MAGT1: variants seen among roughly 807,000 people sequenced by gnomAD.
The protein encoded by MAGT1 is magnesium transporter 1, also known as dolichyl-diphosphooligosaccharide--protein glycosyltransferase subunit MAGT1.
Under a neutral mutation model 28.4 loss-of-function variants are expected in MAGT1, and 4 were observed. That is an observed-to-expected ratio of 0.14 (90% CI 0.07 to 0.32). The LOEUF (loss-of-function observed/expected upper bound fraction) is 0.32. MAGT1 is among the 10% of genes least tolerant of loss of function. MAGT1 has a pLI of 1.00. For missense variants in MAGT1, 193 were observed against 264.5 expected, an observed-to-expected ratio of 0.73 and a Z score of 1.88; for synonymous variants, 89 against 89.7, an observed-to-expected ratio of 0.99 and a Z score of 0.04.
chrX:77,855,617 T>C (rs782516047), intron 5 of MAGT1, 27 bp from the exon 6 acceptor site: 1 of 1,064,148 alleles, frequency 9.4e-7, no homozygotes, highest in East Asian at 3.0e-5. Context: ...TAATAAAATA[T>C]TCATGGTCAA....
chrX:77,857,221 T>C (rs1257521765), intron 4 of MAGT1, 136 bp downstream of exon 4: 2 of 735,212 alleles, frequency 2.7e-6, no homozygotes, highest in Non-Finnish European at 4.2e-6. Flanking sequence ...AAGATGATTC[T>C]GTTTAATGCT....
At chrX:77,876,165 T>TATATA (rs1491126690) in intron 1 of MAGT1, among the ~76,000 whole-genome samples, 27 of 13,349 alleles carry the variant, frequency 2.0e-3, no homozygotes, top group African/African-American at 3.6e-3. Flanking sequence ...TATATATATA[T>TATATA]TTTTTTTTTT....
Position 77,841,239 on chromosome X carries a change from G to A in MAGT1, c.901+7C>T. 1 of 1,176,886 alleles carries A rather than the reference G, an allele frequency of 8.5e-7. No individual in the cohort carries two copies. Among genetic ancestry groups the A allele is most frequent in the Non-Finnish European group, 1.2e-6 (1 of 864,215 alleles). On this transcript the variant is annotated splice_region_variant and intron_variant, in intron 8 of 9. Coordinates refer to ENST00000618282, the MANE Select transcript of MAGT1 (RefSeq NM_001367916.1). ...AGCACTGTTACATTTTGAGTAAGGTGACTTACTCTTTCGCTTTCCAATATC... is the reference window on the plus strand; with the variant it reads ...AGCACTGTTACATTTTGAGTAAGGTAACTTACTCTTTCGCTTTCCAATATC...
intron 8 of MAGT1, among the ~76,000 whole-genome samples, chrX:77,831,758 A>G (rs556388882): frequency 2.7e-5 from 3 of 109,877 alleles, no homozygotes; most frequent in African/African-American, 6.6e-5. Context: ...ATGCCTGGCT[A>G]ATTTTTTAAT....
chrX:77,829,790 G>A (rs868968154), intron 9 of MAGT1, among the ~76,000 whole-genome samples: 21 of 111,613 alleles, frequency 1.9e-4, no homozygotes, highest in Middle Eastern at 4.2e-3. Context: ...GCGAGAAGAA[G>A]TTTTTAACAT....
chrX:77,886,335 G>A (rs1160107685), intron 1 of MAGT1, among the ~76,000 whole-genome samples: 2 of 111,037 alleles, frequency 1.8e-5, no homozygotes, highest in South Asian at 7.5e-4. Flanking sequence ...TGGTATAAAG[G>A]AGCTTGTTAA....
At chrX:77,852,045 C>T (rs1393137365) in intron 7 of MAGT1, among the ~76,000 whole-genome samples, 1 of 108,950 alleles carries the variant, frequency 9.2e-6, no homozygotes, top group Admixed American at 9.9e-5. Flanking sequence ...ATTACAGGCA[C>T]CCGCCACCAC....
At chrX:77,876,108 G>T (rs1050294051) in intron 1 of MAGT1, among the ~76,000 whole-genome samples, 6 of 91,359 alleles carry the variant, frequency 6.6e-5, no homozygotes, top group Non-Finnish European at 1.2e-4. Flanking sequence ...TGGGATTACA[G>T]GCATGAGCCA....
chrX:77,864,146 A>T (rs1557216686), intron 3 of MAGT1, among the ~76,000 whole-genome samples: 1 of 110,521 alleles, frequency 9.0e-6, no homozygotes, highest in Non-Finnish European at 1.9e-5. Flanking sequence ...CCAGGCACAG[A>T]AAGACAAATA....
rs782133931 is a variant in MAGT1 at position 77,857,524 on chromosome X, T to C, written c.391-27A>G. 2.0e-5 allele frequency: 24 copies of C among 1,200,504 alleles called. No individual in the cohort carries two copies. In the South Asian group the frequency reaches 3.4e-4, roughly 17 times the overall value. On this transcript the variant is annotated intron_variant, in intron 3 of 9. Coordinates refer to ENST00000618282, the MANE Select transcript of MAGT1 (RefSeq NM_001367916.1). The stretch of plus-strand genomic sequence containing the variant: ...TGAATAAAAACGAGCCATGAAAATA[T>C]ACATTATCAGGAAAATAATCTTAAT...
rs782012444 is a variant in MAGT1 at position 77,831,075 on chromosome X, C to T, written c.902-180G>A. Among the ~76,000 whole-genome samples, 523 of 109,793 alleles carry T rather than the reference C, an allele frequency of 4.8e-3. 5 individuals carry two copies. The highest frequency in any genetic ancestry group is 0.016 in the African/African-American group (491 of 30,121). On this transcript the variant is annotated intron_variant, in intron 8 of 9. Transcript: ENST00000618282. Reference sequence around the variant, plus strand: ...CTCTTTCGCCCAGGCCGGAGTGCAGCGGCGCGATCTCGGCTCACTGCAAGC... The same window carrying T: ...CTCTTTCGCCCAGGCCGGAGTGCAGTGGCGCGATCTCGGCTCACTGCAAGC...
rs781923927 is a variant in MAGT1 at position 77,827,444 on chromosome X, C to CT, written c.*1775dup. 8.1e-3 allele frequency: 796 copies of CT among 98,174 alleles called. 3 individuals carry two copies. Among genetic ancestry groups the CT allele is most frequent in the African/African-American group, 0.015 (425 of 27,420 alleles). 8.1% of individuals were successfully genotyped at this position (98,174 alleles called of 1,213,427 possible). On this transcript the variant is annotated 3_prime_UTR_variant, in exon 10 of 10. Transcript: ENST00000618282. The stretch of plus-strand genomic sequence containing the variant: ...TCTAAGGGAGTCCTTTTCTTTCTTA[C>CT]TTTTTTTTTTTTTTTTGAGATGGAG...
intron 3 of MAGT1, among the ~76,000 whole-genome samples, chrX:77,869,777 G>A (rs1450575609): frequency 9.0e-6 from 1 of 110,614 alleles, no homozygotes; most frequent in Non-Finnish European, 1.9e-5. Flanking sequence ...TAGTGAAAAG[G>A]GAACACTTTT....
At chrX:77,856,560 T>G in intron 5 of MAGT1, 173 bp downstream of exon 5, 2 of 470,860 alleles carry the variant, frequency 4.2e-6, no homozygotes, top group Non-Finnish European at 7.2e-6. Flanking sequence ...TGGCCATCCT[T>G]ATGAGATAAT....
chrX:77,876,953 C>T (rs1232813490), intron 1 of MAGT1, among the ~76,000 whole-genome samples: 1 of 92,424 alleles, frequency 1.1e-5, no homozygotes, highest in Non-Finnish European at 2.0e-5. Context: ...GCAGAAGTTG[C>T]AGTGAGCCGA....
At chrX:77,837,472 C>T (rs782448346) in intron 8 of MAGT1, 7 of 110,781 alleles carry the variant, frequency 6.3e-5, no homozygotes, top group African/African-American at 1.6e-4. Context: ...GATTGAGTCT[C>T]GCTCTGCTGC....
rs1557212926 is a variant in MAGT1 at position 77,826,399 on chromosome X, G to A, written c.*2821C>T. 8.9e-6 allele frequency: 1 copy of A among 112,426 alleles called. No homozygotes were observed. The highest frequency in any genetic ancestry group is 1.9e-5 in the Non-Finnish European group (1 of 53,208). The allele number at this position is 112,426 out of a possible 1,213,427, so 9.3% of individuals were successfully genotyped here. A position where few individuals can be genotyped will look rare whatever the true frequency, so the allele number is the denominator to read the frequency against. ...AAAAGTTTATTGATATGGTCAAAAA[G>A]CAAACAGCCAGACATTTGGTTATCT... On this transcript the variant is annotated 3_prime_UTR_variant, in exon 10 of 10. Coordinates refer to ENST00000618282, the MANE Select transcript of MAGT1 (RefSeq NM_001367916.1).
At chrX:77,885,951 A>C (rs1362635188) in intron 1 of MAGT1, among the ~76,000 whole-genome samples, 1 of 110,679 alleles carries the variant, frequency 9.0e-6, no homozygotes, top group African/African-American at 3.3e-5. Context: ...CTGCACTGAA[A>C]CTTGGGTGAC....
Position 77,875,586 on chromosome X carries a change from A to G in MAGT1, c.114T>C (p.Ser38=), listed in dbSNP as rs781789788. 5 of 1,207,410 alleles carry G rather than the reference A, an allele frequency of 4.1e-6. No homozygotes were observed. Among genetic ancestry groups the G allele is most frequent in the Non-Finnish European group, 5.6e-6 (5 of 893,442 alleles). ...ATTCCATCAGCTGACTAACCTTTTC[A>G]GATAACACCATCTAAAAAAGACAAA... ...SAQRKKEMVL[S]EKVSQLMEWT... is the part of the protein sequence containing the mutation. Residue 38 remains serine, a synonymous_variant, in exon 2 of 10, where the codon TCT becomes TCC. Transcript: ENST00000618282.
Sources: allele counts gnomAD v4.1 joint callset (sites outside exome capture counted in the v4.1 genomes callset), GRCh38; gene constraint gnomAD v4.1.1; transcripts MANE v1.5; gene names NCBI Gene and HGNC (gene_info 2026-07-23, HGNC 2026-07-21).